The following GPC6 variants were observed in gnomAD, a reference collection of about 807,000 sequenced individuals.
GPC6 encodes glypican 6.
Under a neutral mutation model 55.2 loss-of-function variants are expected in GPC6, and 14 were observed. The observed-to-expected ratio is 0.25, with a 90% confidence interval of 0.17 to 0.40. The LOEUF is 0.40. Among genes scored for constraint, GPC6 ranks in the 10% least tolerant of loss-of-function variants. The probability of loss-of-function intolerance (pLI) is 1.00; values close to 1 mark genes in which losing one functional copy is unlikely to be tolerated. For synonymous variants in GPC6, 278 were observed against 259.6 expected, an observed-to-expected ratio of 1.07 and a Z score of -0.68; for missense variants, 641 against 708.5, an observed-to-expected ratio of 0.90 and a Z score of 1.08.
At chr13:93,635,929 C>T (rs943948724) in intron 2 of GPC6, among the ~76,000 whole-genome samples, 2 of 152,054 alleles carry the variant, frequency 1.3e-5, no homozygotes, top group Non-Finnish European at 2.9e-5. Context: ...CTCCCATTCC[C>T]CTACATTGAC....
intron 1 of GPC6, among the ~76,000 whole-genome samples, chr13:93,512,640 C>T (rs1377019576): frequency 6.6e-6 from 1 of 151,822 alleles, no homozygotes; most frequent in East Asian, 1.9e-4. Context: ...GTTGTGTCAT[C>T]TGATATTGGT....
At chr13:93,388,193 G>T (rs1207109132) in intron 1 of GPC6, among the ~76,000 whole-genome samples, 5 of 152,184 alleles carry the variant, frequency 3.3e-5, no homozygotes, top group African/African-American at 1.2e-4. Flanking sequence ...CTTGGCTCCA[G>T]GGTGCAAGCT....
intron 2 of GPC6, among the ~76,000 whole-genome samples, chr13:93,737,404 C>T (rs958572724): frequency 1.3e-5 from 2 of 152,066 alleles, no homozygotes; most frequent in South Asian, 2.1e-4. Flanking sequence ...GATAGATAGC[C>T]CCCGTTCTCA....
chr13:94,178,416 A>G (rs1888865509), intron 4 of GPC6, among the ~76,000 whole-genome samples: 1 of 152,202 alleles, frequency 6.6e-6, no homozygotes, highest in Non-Finnish European at 1.5e-5. Flanking sequence ...TTGTATGCAA[A>G]CCATAAAAAA....
At chr13:94,002,658 G>A (rs1234390692) in intron 3 of GPC6, among the ~76,000 whole-genome samples, 1 of 152,026 alleles carries the variant, frequency 6.6e-6, no homozygotes, top group African/African-American at 2.4e-5. Context: ...GAATTATGTT[G>A]ACAGTTCCAT....
At chr13:93,854,693 A>G (rs983167274) in intron 3 of GPC6, among the ~76,000 whole-genome samples, 12 of 151,758 alleles carry the variant, frequency 7.9e-5, no homozygotes, top group East Asian at 1.9e-4. Context: ...CCATTAATCA[A>G]CTAACTAATC....
At chr13:93,902,125 A>C (rs967604035) in intron 3 of GPC6, among the ~76,000 whole-genome samples, 16 of 152,146 alleles carry the variant, frequency 1.1e-4, no homozygotes, top group Middle Eastern at 3.4e-3. Context: ...ATTGTTTTCC[A>C]TAGTCATCCT....
rs77099082 is a variant in GPC6, at chr13:93,414,160, T to G, written c.161-131103T>G. On this transcript the variant is annotated intron_variant, in intron 1 of 8. Transcript: ENST00000377047. Reference sequence around the variant, plus strand: ...AGCGACCTTTGAGTGGTTGCTTGGTTCATGTAACCATGTCAACTAGGTACT... The same window carrying G: ...AGCGACCTTTGAGTGGTTGCTTGGTGCATGTAACCATGTCAACTAGGTACT... Among the ~76,000 whole-genome samples the G allele has an allele frequency of 4.4e-3, 670 of 152,252 alleles. 4 individuals are homozygous for G. Among genetic ancestry groups the G allele is most frequent in the African/African-American group, 0.016 (647 of 41,560 alleles).
chr13:93,759,194 G>A (rs1343820853), intron 2 of GPC6, among the ~76,000 whole-genome samples: 1 of 152,002 alleles, frequency 6.6e-6, no homozygotes, highest in Non-Finnish European at 1.5e-5. Flanking sequence ...CACTTCTCTG[G>A]CTACATCATA....
intron 1 of GPC6, among the ~76,000 whole-genome samples, chr13:93,256,112 G>T (rs1269171223): frequency 6.0e-5 from 9 of 148,930 alleles, no homozygotes; most frequent in African/African-American, 2.2e-4. Flanking sequence ...AGAGAGTGTA[G>T]TGAGCCGAGA....
At chr13:94,010,215 T>A (rs1001630947) in intron 3 of GPC6, among the ~76,000 whole-genome samples, 3 of 152,142 alleles carry the variant, frequency 2.0e-5, no homozygotes, top group Admixed American at 2.0e-4. Flanking sequence ...CAATAAAAAT[T>A]AGAAAGTCCT....
rs760322815 is a variant in GPC6 at position 93,676,106 on chromosome 13, T to TAA, written c.319+130705_319+130706dup. On this transcript the variant is annotated intron_variant, in intron 2 of 8. Coordinates refer to ENST00000377047, the MANE Select transcript of GPC6 (RefSeq NM_005708.5). ...GCCAACACAGCAAAACTGTTTCTACTAAAAAAAAAAAAAAAAAAAAATATA... is the reference window on the plus strand; with the variant it reads ...GCCAACACAGCAAAACTGTTTCTACTAAAAAAAAAAAAAAAAAAAAAAATATA... Among the ~76,000 whole-genome samples, 90 of 23,098 alleles carry TAA rather than the reference T, an allele frequency of 3.9e-3. 3 individuals carry two copies. The highest frequency in any genetic ancestry group is 0.015 in the Admixed American group (29 of 1,968). The allele number at this position is 23,098 out of a possible 152,430, so 15.2% of individuals were successfully genotyped here.
chr13:93,599,684 A>T (rs1307458133), intron 2 of GPC6, among the ~76,000 whole-genome samples: 3 of 152,220 alleles, frequency 2.0e-5, no homozygotes, highest in Non-Finnish European at 4.4e-5. Context: ...TGTCTTCATA[A>T]GGTTTTATTT....
At chr13:94,240,822 T>G (rs147096469) in intron 4 of GPC6, among the ~76,000 whole-genome samples, 2,545 of 152,106 alleles carry the variant, frequency 0.017, 35 homozygotes, top group Non-Finnish European at 0.027. Flanking sequence ...AAGCAGGTCT[T>G]TTAGGCACCT....
At chr13:94,147,981 A>G (rs1263316053) in intron 4 of GPC6, among the ~76,000 whole-genome samples, 1 of 152,186 alleles carries the variant, frequency 6.6e-6, no homozygotes, top group African/African-American at 2.4e-5. Flanking sequence ...CTGCTGAGGT[A>G]GAGTATTTGA....
intron 6 of GPC6, among the ~76,000 whole-genome samples, chr13:94,312,953 G>C (rs527655737): frequency 6.6e-6 from 1 of 152,126 alleles, no homozygotes; most frequent in Non-Finnish European, 1.5e-5. Flanking sequence ...GGTTGTGAAC[G>C]ACCCGGTCTT....
At chr13:93,399,993 C>T (rs1377168153) in intron 1 of GPC6, among the ~76,000 whole-genome samples, 1 of 152,148 alleles carries the variant, frequency 6.6e-6, no homozygotes, top group African/African-American at 2.4e-5. Context: ...GTATATAAAA[C>T]TCAGTAAATT....
chr13:93,971,856 G>C (rs1326981834), intron 3 of GPC6, among the ~76,000 whole-genome samples: 2 of 152,194 alleles, frequency 1.3e-5, no homozygotes, highest in Non-Finnish European at 2.9e-5. Context: ...ATGATCACCA[G>C]CTCTAATGAC....
chr13:94,398,395 G>T, intron 7 of GPC6, 71 bp from the exon 8 acceptor site: 1 of 1,147,466 alleles, frequency 8.7e-7, no homozygotes, highest in Non-Finnish European at 1.3e-6. Flanking sequence ...ATCTGGTTTT[G>T]CATGGCAGCA....
Sources: gnomAD v4.1 joint callset for allele counts (sites outside exome capture counted in the v4.1 genomes callset) on GRCh38, gnomAD v4.1.1 for gene constraint, MANE v1.5 for transcripts, NCBI Gene and HGNC (gene_info 2026-07-23, HGNC 2026-07-21) for gene names.